SCAF4: variants seen among roughly 807,000 people sequenced by gnomAD.
The protein encoded by SCAF4 is SR-related and CTD-associated factor 4.
In SCAF4, 25 loss-of-function variants were observed where a neutral mutation model predicts 129.8. The ratio of observed to expected loss-of-function variants is 0.19; its 90% CI spans 0.14 to 0.27. SCAF4 has a LOEUF of 0.27. Ranked by LOEUF, SCAF4 falls within the 10% of genes least tolerant of loss-of-function variation. The pLI is 1.00. For synonymous variants in SCAF4, 551 were observed against 497.7 expected (o/e 1.11, Z -1.43); for missense variants, 1,246 against 1,457.1 (o/e 0.86, Z 2.36).
chr21:31,685,074 A>T lies in SCAF4; in HGVS notation c.2463T>A (p.Pro821=). 1 of 1,610,772 alleles carries T rather than the reference A, an allele frequency of 6.2e-7. No homozygotes were observed. The highest frequency in any genetic ancestry group is 2.2e-5 in the East Asian group (1 of 44,802). The change falls in exon 19 of 20, where the codon CCT becomes CCA. Residue 821 remains proline (P), a synonymous_variant. Transcript: ENST00000286835. ...PAAPTNLPTP[P]VTQPVSLLGT... The stretch of plus-strand genomic sequence containing the variant: ...CAAGAAGTGAAACAGGCTGGGTTAC[A>T]GGAGGGGTGGGCAGATTCGTGGGTG...
chr21:31,675,995 G>A (rs1047959046), intron 19 of SCAF4, among the ~76,000 whole-genome samples: 1 of 152,150 alleles, frequency 6.6e-6, no homozygotes, highest in Non-Finnish European at 1.5e-5. Flanking sequence ...GAATAGGGTG[G>A]CTTTCTGTCA....
At chr21:31,719,759 C>T (rs532640112) in intron 1 of SCAF4, among the ~76,000 whole-genome samples, 254 of 152,306 alleles carry the variant, frequency 1.7e-3, no homozygotes, top group African/African-American at 5.7e-3. Context: ...CTGCCTTGGC[C>T]TCCCAAAGTG....
At chr21:31,715,464 G>A (rs1164848836) in intron 1 of SCAF4, among the ~76,000 whole-genome samples, 3 of 151,996 alleles carry the variant, frequency 2.0e-5, no homozygotes, top group Non-Finnish European at 4.4e-5. Flanking sequence ...GGAGAAGGGG[G>A]CATTATTTAT....
chr21:31,684,492 G>C (rs777885678), intron 19 of SCAF4: 3 of 153,252 alleles, frequency 2.0e-5, no homozygotes, highest in Non-Finnish European at 4.4e-5. Context: ...AGTAAACTGA[G>C]AGTGAGTGGG....
intron 19 of SCAF4, among the ~76,000 whole-genome samples, chr21:31,679,914 T>C (rs113683313): frequency 2.6e-5 from 4 of 152,224 alleles, no homozygotes; most frequent in African/African-American, 9.6e-5. Context: ...CAAAGTGCAA[T>C]AGCTATGAGT....
chr21:31,686,770 T>G (rs1470329411), intron 16 of SCAF4, among the ~76,000 whole-genome samples: 2 of 152,178 alleles, frequency 1.3e-5, no homozygotes, highest in African/African-American at 4.8e-5. Context: ...AACCCTGTCG[T>G]GAAATGCACA....
At chr21:31,717,334 T>C (rs897444365) in intron 1 of SCAF4, among the ~76,000 whole-genome samples, 9 of 152,114 alleles carry the variant, frequency 5.9e-5, no homozygotes, top group African/African-American at 1.9e-4. Flanking sequence ...ATCTGGTAAC[T>C]ACATAAAAAA....
At chr21:31,721,730 T>C (rs1171530634) in intron 1 of SCAF4, among the ~76,000 whole-genome samples, 1 of 150,494 alleles carries the variant, frequency 6.6e-6, no homozygotes, top group African/African-American at 2.4e-5. Flanking sequence ...CAATTCTTTT[T>C]TTTTTTTTTT....
At chr21:31,718,103 C>A (rs984325835) in intron 1 of SCAF4, among the ~76,000 whole-genome samples, 3 of 152,094 alleles carry the variant, frequency 2.0e-5, no homozygotes, top group Non-Finnish European at 4.4e-5. Flanking sequence ...GCCACCACAC[C>A]TGGCTAATTT....
chr21:31,692,307 C>A (rs374254433), intron 13 of SCAF4, 42 bp downstream of exon 13: 1 of 1,444,858 alleles, frequency 6.9e-7, no homozygotes, highest in Admixed American at 1.7e-5. Context: ...TGACATTAAT[C>A]ACACCTGTCC....
chr21:31,699,862 G>A (rs2050479679), intron 7 of SCAF4, among the ~76,000 whole-genome samples: 1 of 152,220 alleles, frequency 6.6e-6, no homozygotes, highest in African/African-American at 2.4e-5. Flanking sequence ...GCTCTAAGCT[G>A]TTCAGCATAT....
Position 31,705,194 on chromosome 21 carries a change from C to T in SCAF4, c.159+229G>A, listed in dbSNP as rs112321314. On this transcript the variant is annotated intron_variant, in intron 3 of 19. Transcript: ENST00000286835. Reference sequence around the variant, plus strand: ...CTTCAGGTTTAGGGAAGGGTCATAACCAACATATAAGAAACTGCTGTGAGT... The same window carrying T: ...CTTCAGGTTTAGGGAAGGGTCATAATCAACATATAAGAAACTGCTGTGAGT... Among the ~76,000 whole-genome samples, 987 of 152,190 alleles carry T rather than the reference C, an allele frequency of 6.5e-3. 14 individuals are homozygous for T. The highest frequency in any genetic ancestry group is 0.022 in the African/African-American group (933 of 41,508).
chr21:31,712,614 C>A (rs573321459), intron 1 of SCAF4, among the ~76,000 whole-genome samples: 1 of 149,364 alleles, frequency 6.7e-6, no homozygotes, highest in Non-Finnish European at 1.5e-5. Context: ...CTGCAACCTC[C>A]GCCTCCCCGG....
intron 19 of SCAF4, among the ~76,000 whole-genome samples, chr21:31,682,142 A>T (rs2050009609): frequency 6.6e-6 from 1 of 152,194 alleles, no homozygotes; most frequent in Non-Finnish European, 1.5e-5. Context: ...CCTAAAAAGT[A>T]GGCCAGGTGC....
chr21:31,714,915 C>T (rs1308295506), intron 1 of SCAF4, among the ~76,000 whole-genome samples: 1 of 152,144 alleles, frequency 6.6e-6, no homozygotes, highest in Non-Finnish European at 1.5e-5. Flanking sequence ...TAACTATTAG[C>T]CAAATGATAA....
chr21:31,683,874 G>T (rs1206939535), intron 19 of SCAF4: 1 of 152,588 alleles, frequency 6.6e-6, no homozygotes, highest in African/African-American at 2.4e-5. Flanking sequence ...TGTATCACTT[G>T]TGATAAATTT....
chr21:31,724,286 T>G (rs1413583031), intron 1 of SCAF4, among the ~76,000 whole-genome samples: 1 of 152,242 alleles, frequency 6.6e-6, no homozygotes, highest in Non-Finnish European at 1.5e-5. Flanking sequence ...CAGATCCTGG[T>G]AAGGCCTCTT....
chr21:31,688,966 T>C (rs536017153), intron 15 of SCAF4, among the ~76,000 whole-genome samples: 7 of 152,350 alleles, frequency 4.6e-5, no homozygotes, highest in Admixed American at 4.6e-4. Context: ...ACATATCTTC[T>C]AGTCAAGTGA....
chr21:31,699,164 G>C (rs1474298055), intron 7 of SCAF4, among the ~76,000 whole-genome samples: 1 of 152,150 alleles, frequency 6.6e-6, no homozygotes, highest in Admixed American at 6.5e-5. Context: ...ATAAGACACA[G>C]AAACATACAG....
Sources: gnomAD v4.1 joint callset for allele counts (sites outside exome capture counted in the v4.1 genomes callset) on GRCh38, gnomAD v4.1.1 for gene constraint, MANE v1.5 for transcripts, NCBI Gene and HGNC (gene_info 2026-07-23, HGNC 2026-07-21) for gene names.